NCALD: variants seen among roughly 807,000 people sequenced by gnomAD.
The protein encoded by NCALD is neurocalcin-delta.
A neutral mutation model predicts 18.6 loss-of-function variants in NCALD; 10 were observed. The observed-to-expected ratio is 0.54, with a 90% CI of 0.33 to 0.91. NCALD has a LOEUF of 0.91. NCALD is among the 40% of genes least tolerant of loss of function. The pLI is 0.03. For missense variants in NCALD, 184 were observed against 247.6 expected (o/e 0.74, Z 1.72); for synonymous variants, 88 against 87.4 (o/e 1.01, Z -0.04).
chr8:101,795,250 T>C (rs1030450679), upstream of NCALD, among the ~76,000 whole-genome samples: 1 of 151,842 alleles, frequency 6.6e-6, no homozygotes, highest in Non-Finnish European at 1.5e-5. Flanking sequence ...CATCAAAGAG[T>C]GGCAGAGGCA....
At chr8:101,984,184 A>G (rs889581308) in intron 2 of NCALD, among the ~76,000 whole-genome samples, 1 of 152,178 alleles carries the variant, frequency 6.6e-6, no homozygotes, top group African/African-American at 2.4e-5. Context: ...TAACTCTTTA[A>G]CCTTCCTAAA....
intron 4 of NCALD, among the ~76,000 whole-genome samples, chr8:101,817,283 G>C (rs900204763): frequency 1.3e-5 from 2 of 152,068 alleles, no homozygotes; most frequent in Non-Finnish European, 2.9e-5. Flanking sequence ...GAGCCTCAGG[G>C]AGCGCCTGGG....
chr8:101,723,333 A>G (rs1046578770), intron 1 of NCALD, among the ~76,000 whole-genome samples: 1 of 152,160 alleles, frequency 6.6e-6, no homozygotes, highest in East Asian at 1.9e-4. Flanking sequence ...TCAGAGACTT[A>G]TTGCTTTAAG....
At chr8:101,715,225 G>C (rs1469290326) in intron 2 of NCALD, among the ~76,000 whole-genome samples, 1 of 152,044 alleles carries the variant, frequency 6.6e-6, no homozygotes. Flanking sequence ...ACAAGAAATG[G>C]GGAAAGGATT....
At chr8:101,732,995 G>C (rs998024722) in intron 1 of NCALD, among the ~76,000 whole-genome samples, 1 of 152,034 alleles carries the variant, frequency 6.6e-6, no homozygotes, top group Non-Finnish European at 1.5e-5. Flanking sequence ...AAGGATAAGG[G>C]GTGTAGAGAA....
chr8:101,967,391 T>C (rs934038509), intron 2 of NCALD, among the ~76,000 whole-genome samples: 1 of 152,174 alleles, frequency 6.6e-6, no homozygotes, highest in Admixed American at 6.5e-5. Context: ...AAAAGCAATA[T>C]GAATCCAAGA....
rs567508947 is a variant in NCALD at position 101,994,639 on chromosome 8, G to A, written c.-157+25598C>T. Among the ~76,000 whole-genome samples, 15 of 152,358 alleles carry A rather than the reference G, an allele frequency of 9.8e-5. No individual in the cohort carries two copies. In the South Asian group the frequency reaches 1.0e-3, roughly 11 times the overall value. ...GGCAAGGTTGCCATGTGCATGGCCC[G>A]GAGAGCCACATGGCTGGGGTCTGAA... On this transcript the variant is annotated intron_variant, in intron 2 of 6. Coordinates refer to the NCALD transcript ENST00000311028.
intron 1 of NCALD, among the ~76,000 whole-genome samples, chr8:102,024,817 C>T (rs754992801): frequency 1.3e-5 from 2 of 152,140 alleles, no homozygotes; most frequent in African/African-American, 2.4e-5. Flanking sequence ...TACATCACCC[C>T]TCTGATCATA....
At chr8:101,851,474 C>T (rs1022037679) in intron 4 of NCALD, among the ~76,000 whole-genome samples, 5 of 152,084 alleles carry the variant, frequency 3.3e-5, no homozygotes, top group Admixed American at 3.3e-4. Flanking sequence ...TACCCTAGCT[C>T]TCTTGCCTAT....
chr8:101,773,406 T>G (rs1811665448), intron 1 of NCALD, among the ~76,000 whole-genome samples: 1 of 152,232 alleles, frequency 6.6e-6, no homozygotes, highest in Non-Finnish European at 1.5e-5. Flanking sequence ...GTTCCCTCTC[T>G]GATAACAAAA....
At chr8:101,743,039 A>T (rs1442888552) in intron 1 of NCALD, among the ~76,000 whole-genome samples, 2 of 152,208 alleles carry the variant, frequency 1.3e-5, no homozygotes, top group African/African-American at 2.4e-5. Flanking sequence ...TTCTAAATAT[A>T]TATTTACATA....
At chr8:102,096,612 T>G (rs1396604093) in intron 1 of NCALD, among the ~76,000 whole-genome samples, 1 of 150,370 alleles carries the variant, frequency 6.7e-6, no homozygotes, top group Non-Finnish European at 1.5e-5. Context: ...GTGTGACCTT[T>G]GGAACTTCAC....
At chr8:101,747,374 C>T (rs375866142) in intron 1 of NCALD, among the ~76,000 whole-genome samples, 2 of 152,146 alleles carry the variant, frequency 1.3e-5, no homozygotes, top group Non-Finnish European at 2.9e-5. Flanking sequence ...AGCGAAACAG[C>T]CTTTTCCCGC....
intron 3 of NCALD, among the ~76,000 whole-genome samples, chr8:101,907,699 C>T (rs1817656662): frequency 6.6e-6 from 1 of 152,074 alleles, no homozygotes; most frequent in Admixed American, 6.6e-5. Flanking sequence ...CAACCCAGTG[C>T]TAGGGAGAAG....
chr8:101,751,449 T>C (rs1554621774), intron 1 of NCALD, among the ~76,000 whole-genome samples: 1 of 152,146 alleles, frequency 6.6e-6, no homozygotes, highest in Non-Finnish European at 1.5e-5. Context: ...TATACAACAT[T>C]TGAATATACT....
intron 4 of NCALD, among the ~76,000 whole-genome samples, chr8:101,858,461 C>G (rs1815408313): frequency 6.6e-6 from 1 of 152,204 alleles, no homozygotes; most frequent in Admixed American, 6.5e-5. Flanking sequence ...CTCTACCCCA[C>G]AGCTAGGCAA....
chr8:101,729,938 A>T (rs1166806946), intron 1 of NCALD, among the ~76,000 whole-genome samples: 1 of 152,194 alleles, frequency 6.6e-6, no homozygotes, highest in Non-Finnish European at 1.5e-5. Context: ...CCAAATATGG[A>T]AATACCATTT....
intron 4 of NCALD, among the ~76,000 whole-genome samples, chr8:101,874,641 G>A (rs867323758): frequency 1.7e-5 from 2 of 118,618 alleles, no homozygotes; most frequent in Non-Finnish European, 3.6e-5. Context: ...GGGCTCAAGT[G>A]ATCCTCCTGA....
rs189671423 is a variant in NCALD at position 101,779,229 on chromosome 8, C to T, written c.-20+11633G>A. ...TCTAAGAAAGGGGTAGATGTGGAGACAATGAAAATAATCCAGTTGTGATGG... is the reference window on the plus strand; with the variant it reads ...TCTAAGAAAGGGGTAGATGTGGAGATAATGAAAATAATCCAGTTGTGATGG... On this transcript the variant is annotated intron_variant, in intron 1 of 3. Transcript: ENST00000220931. 3.9e-4 allele frequency among the ~76,000 whole-genome samples: 59 copies of T among 152,112 alleles called. 1 individual carries two copies. The highest frequency in any genetic ancestry group is 1.5e-5 in the Non-Finnish European group (1 of 67,984).
Sources: gnomAD v4.1 joint callset for allele counts (sites outside exome capture counted in the v4.1 genomes callset) on GRCh38, gnomAD v4.1.1 for gene constraint, MANE v1.5 for transcripts, NCBI Gene and HGNC (gene_info 2026-07-23, HGNC 2026-07-21) for gene names.